Variants in NELL1 observed in about 807,000 individuals in gnomAD.
NELL1 encodes the protein neural EGFL like 1, also known as protein kinase C-binding protein NELL1.
NELL1 carries 76 observed loss-of-function variants against 107.4 expected under a neutral mutation model. The ratio of observed to expected loss-of-function variants is 0.71; its 90% CI spans 0.59 to 0.86. The LOEUF is 0.86. Among genes scored for constraint, NELL1 ranks in the 40% least tolerant of loss-of-function variants. NELL1 has a pLI of 0.00. For synonymous variants in NELL1, 353 were observed against 341.2 expected (o/e 1.03, Z -0.38); for missense variants, 1,024 against 1,005.5 (o/e 1.02, Z -0.25).
chr11:21,210,499 C>A (rs1368121640), intron 13 of NELL1, among the ~76,000 whole-genome samples: 7 of 152,136 alleles, frequency 4.6e-5, no homozygotes. Context: ...AGAATCTTTT[C>A]ATGTGCCTCT....
intron 12 of NELL1, among the ~76,000 whole-genome samples, chr11:21,085,958 C>G (rs921737347): frequency 6.6e-6 from 1 of 152,204 alleles, no homozygotes; most frequent in Non-Finnish European, 1.5e-5. Flanking sequence ...GCAGGAACAC[C>G]ATCAAGCTGT....
intron 14 of NELL1, among the ~76,000 whole-genome samples, chr11:21,254,210 G>T (rs1256205181): frequency 6.6e-6 from 1 of 151,914 alleles, no homozygotes; most frequent in South Asian, 2.1e-4. Flanking sequence ...ATAGCATTAG[G>T]CAATGAAAAT....
intron 3 of NELL1, among the ~76,000 whole-genome samples, chr11:20,834,885 A>G (rs1049244802): frequency 3.9e-5 from 6 of 152,154 alleles, no homozygotes; most frequent in African/African-American, 1.4e-4. Flanking sequence ...TTACCTGCCT[A>G]TCAGTCCTAA....
intron 4 of NELL1, among the ~76,000 whole-genome samples, chr11:20,884,332 C>A (rs1019353293): frequency 6.6e-6 from 1 of 152,244 alleles, no homozygotes; most frequent in Non-Finnish European, 1.5e-5. Flanking sequence ...TCAGCTCCAT[C>A]ACAGCAGGGA....
At chr11:21,240,657 G>A (rs549144819) in intron 14 of NELL1, among the ~76,000 whole-genome samples, 7 of 150,872 alleles carry the variant, frequency 4.6e-5, no homozygotes, top group Middle Eastern at 3.4e-3. Context: ...AGGGACTTTT[G>A]TGGCACAAGA....
intron 12 of NELL1, among the ~76,000 whole-genome samples, chr11:21,050,773 C>G (rs1006618465): frequency 1.3e-5 from 2 of 152,254 alleles, no homozygotes; most frequent in Non-Finnish European, 2.9e-5. Context: ...AGGTTAGACT[C>G]TAGGACCACA....
In NELL1 at chr11:20,918,235, G is replaced by A; in HGVS notation, c.657G>A (p.Gln219=). 6.3e-7 allele frequency: 1 copy of A among 1,587,492 alleles called. No individual in the cohort carries two copies. ...TTATGCCGAATGGATATATAACACA[G>A]TGTCCAAATCTAAATCACAGTAAGT... is the stretch of plus-strand genomic sequence containing the variant. The part of the protein sequence containing the change: ...IIFMPNGYIT[Q]CPNLNHTCPT... The change falls in exon 6 of 20, where the codon CAG becomes CAA. Residue 219 remains glutamine (Q), a synonymous_variant. Coordinates refer to ENST00000357134, the MANE Select transcript of NELL1 (RefSeq NM_006157.5).
At chr11:21,140,596 C>G (rs1855843968) in intron 13 of NELL1, among the ~76,000 whole-genome samples, 1 of 152,136 alleles carries the variant, frequency 6.6e-6, no homozygotes. Context: ...TGAATTAACT[C>G]TAAGGCAATT....
At chr11:21,216,282 G>A (rs1857610901) in intron 13 of NELL1, among the ~76,000 whole-genome samples, 1 of 152,234 alleles carries the variant, frequency 6.6e-6, no homozygotes, top group Non-Finnish European at 1.5e-5. Context: ...CTGCTGCAGA[G>A]GCAGAGGCCT....
intron 14 of NELL1, among the ~76,000 whole-genome samples, chr11:21,305,126 A>G (rs1590820973): frequency 6.6e-6 from 1 of 152,094 alleles, no homozygotes; most frequent in African/African-American, 2.4e-5. Context: ...TAGGAGTGCA[A>G]TGGTTGATTC....
intron 2 of NELL1, among the ~76,000 whole-genome samples, chr11:20,684,411 T>G (rs1590202748): frequency 6.6e-6 from 1 of 152,136 alleles, no homozygotes; most frequent in East Asian, 1.9e-4. Context: ...TTAGTGTATT[T>G]TTTACCTCAT....
chr11:21,197,007 G>A (rs1385916093), intron 13 of NELL1, among the ~76,000 whole-genome samples: 3 of 151,356 alleles, frequency 2.0e-5, no homozygotes, highest in African/African-American at 7.3e-5. Flanking sequence ...AAGTAGCTGG[G>A]ACTACAGGCA....
At chr11:21,204,051 T>A (rs970319845) in intron 13 of NELL1, among the ~76,000 whole-genome samples, 4 of 152,298 alleles carry the variant, frequency 2.6e-5, no homozygotes, top group Admixed American at 6.5e-5. Flanking sequence ...CATTTTTTCC[T>A]TCATTTCATC....
At chr11:21,289,094 T>C (rs1849193814) in intron 14 of NELL1, among the ~76,000 whole-genome samples, 1 of 152,178 alleles carries the variant, frequency 6.6e-6, no homozygotes, top group Non-Finnish European at 1.5e-5. Flanking sequence ...GGGAACAAAT[T>C]CTGACTCTTG....
At chr11:20,721,159 G>A (rs1421888232) in intron 2 of NELL1, among the ~76,000 whole-genome samples, 1 of 122,338 alleles carries the variant, frequency 8.2e-6, no homozygotes, top group Non-Finnish European at 1.6e-5. Flanking sequence ...AGAAACCAAT[G>A]AGATATAGAT....
chr11:20,826,983 G>T (rs1857898874), intron 3 of NELL1, among the ~76,000 whole-genome samples: 2 of 151,232 alleles, frequency 1.3e-5, no homozygotes, highest in Non-Finnish European at 3.0e-5. Flanking sequence ...GTCAGATCTG[G>T]CTCTATTGCT....
intron 13 of NELL1, among the ~76,000 whole-genome samples, chr11:21,126,396 T>A (rs990420108): frequency 6.6e-6 from 1 of 152,120 alleles, no homozygotes; most frequent in African/African-American, 2.4e-5. Flanking sequence ...TAATGCGATG[T>A]GTTCAGCAAG....
At chr11:20,791,745 T>C (rs1387955846) in intron 3 of NELL1, among the ~76,000 whole-genome samples, 1 of 151,688 alleles carries the variant, frequency 6.6e-6, no homozygotes, top group Non-Finnish European at 1.5e-5. Context: ...TTTTTTTTTT[T>C]TTCTATTTGT....
intron 11 of NELL1, among the ~76,000 whole-genome samples, chr11:20,949,140 C>T (rs1245947985): frequency 6.6e-6 from 1 of 152,144 alleles, no homozygotes; most frequent in East Asian, 1.9e-4. Flanking sequence ...ACTTTATTTA[C>T]AAAAACAGGT....
Sources: allele counts gnomAD v4.1 joint callset (sites outside exome capture counted in the v4.1 genomes callset), GRCh38; gene constraint gnomAD v4.1.1; transcripts MANE v1.5; gene names NCBI Gene and HGNC (gene_info 2026-07-23, HGNC 2026-07-21).